The following SHCBP1L variants were observed in gnomAD, a reference collection of about 807,000 sequenced individuals.
The protein encoded by SHCBP1L is testicular spindle-associated protein SHCBP1L.
Under a neutral mutation model 62.5 loss-of-function variants are expected in SHCBP1L, and 67 were observed. That is an observed-to-expected ratio of 1.07 (90% CI 0.88 to 1.31). The LOEUF (loss-of-function observed/expected upper bound fraction) is 1.31, where lower values mean the gene tolerates loss of function less well. Among genes scored for constraint, SHCBP1L ranks in the 40% most tolerant of loss-of-function variants. The pLI is 0.00. For synonymous variants in SHCBP1L, 284 were observed against 289.4 expected, an observed-to-expected ratio of 0.98 and a Z score of 0.19; for missense variants, 823 against 809.8, an observed-to-expected ratio of 1.02 and a Z score of -0.20.
Position 182,952,711 on chromosome 1 carries a change from T to G in SHCBP1L, c.405+18A>C. 6.3e-7 allele frequency: 1 copy of G among 1,584,716 alleles called. No homozygotes were observed. Among genetic ancestry groups the G allele is most frequent in the Non-Finnish European group, 8.6e-7 (1 of 1,164,466 alleles). ...GACGAGCTTCCGACCGTAGTCTTCC[T>G]GTCCCGGATCCGCTCACCTTACAGT... On this transcript the variant is annotated intron_variant, in intron 1 of 9. Coordinates refer to ENST00000367547, the MANE Select transcript of SHCBP1L (RefSeq NM_030933.4).
chr1:182,907,822 A>G (rs1571337073), intron 6 of SHCBP1L, among the ~76,000 whole-genome samples: 1 of 151,856 alleles, frequency 6.6e-6, no homozygotes, highest in Non-Finnish European at 1.5e-5. Flanking sequence ...CAAGTGATCC[A>G]CCCGCCTTGG....
Position 182,907,420 on chromosome 1 carries a change from C to T in SHCBP1L, c.1183-1771G>A, listed in dbSNP as rs1216471529. On this transcript the variant is annotated intron_variant, in intron 6 of 9. Coordinates refer to ENST00000367547, the MANE Select transcript of SHCBP1L (RefSeq NM_030933.4). ...TGCACTCCAGCCTGGGCAACAAGAG[C>T]GAAACTGTCTCAAAAAAAAAAAAAA... Among the ~76,000 whole-genome samples the T allele has an allele frequency of 2.4e-5, 3 of 124,634 alleles. No individual in the cohort carries two copies. The Admixed American group carries it at 2.7e-4, about 11-fold the overall frequency. 81.8% of individuals were successfully genotyped at this position (124,634 alleles called of 152,430 possible). A position where few individuals can be genotyped will look rare whatever the true frequency, so the allele number is the denominator to read the frequency against.
chr1:182,943,608 T>C (rs958789286), intron 2 of SHCBP1L, among the ~76,000 whole-genome samples: 10 of 151,228 alleles, frequency 6.6e-5, no homozygotes, highest in Admixed American at 2.0e-4. Context: ...CACCACAGCC[T>C]GGCTAATTAT....
rs921791629 is a variant in SHCBP1L, at chr1:182,913,138, AAATTAATT to A, written c.1183-7497_1183-7490del. The stretch of plus-strand genomic sequence containing the variant: ...TGACATAGCAAGACTCCATCTCAAA[AAATTAATT>A]AATTAATTAAATTAACTGGTAAACA... On this transcript the variant is annotated intron_variant, in intron 6 of 9. Transcript: ENST00000367547. Among the ~76,000 whole-genome samples the A allele has an allele frequency of 5.4e-3, 825 of 152,136 alleles. 10 individuals are homozygous for A. Among genetic ancestry groups the A allele is most frequent in the African/African-American group, 0.018 (729 of 41,500 alleles).
intron 2 of SHCBP1L, among the ~76,000 whole-genome samples, chr1:182,950,082 C>T (rs1651697381): frequency 1.3e-5 from 2 of 152,064 alleles, no homozygotes; most frequent in South Asian, 2.1e-4. Context: ...CACGCCCAGC[C>T]GCCATTCTTT....
chr1:182,932,468 A>ATTATTTATTTATTTATTTAT (rs752346929), intron 5 of SHCBP1L, among the ~76,000 whole-genome samples: 17 of 151,028 alleles, frequency 1.1e-4, no homozygotes, highest in African/African-American at 3.4e-4. Flanking sequence ...ATGGAATTTT[A>ATTATTTATTTATTTATTTAT]TTATTTATTT....
At chr1:182,937,136 T>A (rs1651206772) in intron 5 of SHCBP1L, among the ~76,000 whole-genome samples, 1 of 152,138 alleles carries the variant, frequency 6.6e-6, no homozygotes, top group Admixed American at 6.5e-5. Context: ...ACATTGTTCC[T>A]TACTATATGT....
At chr1:182,924,976 A>AAGAAAGAAAG (rs1414115841) in intron 6 of SHCBP1L, among the ~76,000 whole-genome samples, 9 of 137,558 alleles carry the variant, frequency 6.5e-5, no homozygotes, top group African/African-American at 2.4e-4. Context: ...GAAAGAAAGA[A>AAGAAAGAAAG]AAAAAAAGGA....
At chr1:182,931,025 A>G (rs1328499943) in intron 5 of SHCBP1L, among the ~76,000 whole-genome samples, 1 of 151,324 alleles carries the variant, frequency 6.6e-6, no homozygotes, top group African/African-American at 2.4e-5. Flanking sequence ...GCCAGTACCA[A>G]TATTTTTGAG....
chr1:182,932,468 ATTATTTAT>A (rs752346929), intron 5 of SHCBP1L, among the ~76,000 whole-genome samples: 20 of 151,148 alleles, frequency 1.3e-4, no homozygotes, highest in African/African-American at 2.4e-4. Context: ...ATGGAATTTT[ATTATTTAT>A]TTATTTATTT....
At chr1:182,901,353 A>G (rs1208316070) in intron 9 of SHCBP1L, among the ~76,000 whole-genome samples, 1 of 152,192 alleles carries the variant, frequency 6.6e-6, no homozygotes, top group African/African-American at 2.4e-5. Flanking sequence ...GCTACCTAGA[A>G]GGCTGAGGCA....
At chr1:182,950,161 TACA>T (rs1226927075) in intron 2 of SHCBP1L, among the ~76,000 whole-genome samples, 12 of 152,324 alleles carry the variant, frequency 7.9e-5, no homozygotes, top group Non-Finnish European at 1.3e-4. Context: ...TAGTATATAA[TACA>T]ACAAGTTACA....
intron 6 of SHCBP1L, among the ~76,000 whole-genome samples, chr1:182,926,769 G>A (rs908415577): frequency 1.3e-5 from 2 of 152,026 alleles, no homozygotes; most frequent in African/African-American, 2.4e-5. Flanking sequence ...CTGGGAGAAT[G>A]ACTAATGTTT....
chr1:182,920,285 G>A (rs546379779), intron 6 of SHCBP1L, among the ~76,000 whole-genome samples: 2 of 152,200 alleles, frequency 1.3e-5, no homozygotes, highest in East Asian at 3.9e-4. Context: ...AGCCCCCCAG[G>A]GTTGCGCATG....
chr1:182,933,406 T>C (rs1180447214), intron 5 of SHCBP1L, among the ~76,000 whole-genome samples: 3 of 152,222 alleles, frequency 2.0e-5, no homozygotes. Context: ...ATCCTTATCA[T>C]GCTCCTGATT....
In SHCBP1L at chr1:182,951,395, C is replaced by G; in HGVS notation, c.478G>C (p.Val160Leu). ...KLKLKDKWLG[V>L]WKTNPSVFFV... The stretch of plus-strand genomic sequence containing the variant: ...AATACACTGGGATTAGTCTTCCAGA[C>G]TCCAAGCCATTTGTCTTTCAACTTT... The change falls in exon 2 of 10, where the codon GTC becomes CTC. Residue 160 changes from valine to leucine, a missense_variant. Val to Leu is a conservative substitution (Grantham distance 32). Coordinates refer to ENST00000367547, the MANE Select transcript of SHCBP1L (RefSeq NM_030933.4). The G allele has an allele frequency of 6.2e-7, 1 of 1,609,892 alleles. No individual in the cohort carries two copies. Among genetic ancestry groups the G allele is most frequent in the South Asian group, 1.1e-5 (1 of 90,246 alleles).
At position 182,920,884 on chromosome 1, in the gene SHCBP1L, G is replaced by A. The variant is rs553486150; in HGVS notation, c.1182+8763C>T. Among the ~76,000 whole-genome samples the A allele has an allele frequency of 3.3e-5, 5 of 152,300 alleles. No homozygotes were observed. The South Asian group carries it at 6.2e-4, about 19-fold the overall frequency. On this transcript the variant is annotated intron_variant, in intron 6 of 9. Coordinates refer to ENST00000367547, the MANE Select transcript of SHCBP1L (RefSeq NM_030933.4). ...AAACCTCTGACAAATATGGGATTAT[G>A]TAAAGAGACCAAACCTACGACTCAT...
At position 182,953,154 on chromosome 1, in the gene SHCBP1L, C is replaced by G; in HGVS notation, c.-21G>C. On this transcript the variant is annotated 5_prime_UTR_variant, in exon 1 of 10. Coordinates refer to ENST00000367547, the MANE Select transcript of SHCBP1L (RefSeq NM_030933.4). ...GCCATCTCCTCAGCAGCCCGAGGGC[C>G]GAGGCAGCCGTTGGCCACTTTTCCC... 6.4e-7 allele frequency: 1 copy of G among 1,571,742 alleles called. No homozygotes were observed. The highest frequency in any genetic ancestry group is 8.6e-7 in the Non-Finnish European group (1 of 1,167,268).
At chr1:182,929,605 A>G (rs371665551) in intron 6 of SHCBP1L, 42 bp downstream of exon 6, 42 of 1,338,520 alleles carry the variant, frequency 3.1e-5, no homozygotes, top group African/African-American at 6.0e-5. Flanking sequence ...GATTATACAC[A>G]GCTAATACTT....
Sources: gnomAD v4.1 joint callset for allele counts (sites outside exome capture counted in the v4.1 genomes callset) on GRCh38, gnomAD v4.1.1 for gene constraint, MANE v1.5 for transcripts, NCBI Gene and HGNC (gene_info 2026-07-23, HGNC 2026-07-21) for gene names.